Variants in CEP131 observed in about 807,000 individuals in gnomAD.
CEP131 encodes the protein centrosomal protein of 131 kDa.
Under a neutral mutation model 136.8 loss-of-function variants are expected in CEP131, and 99 were observed. That is an observed-to-expected ratio of 0.72 (90% CI 0.62 to 0.86). CEP131 has a LOEUF of 0.86. CEP131 is among the 40% of genes least tolerant of loss of function. The probability of loss-of-function intolerance (pLI) is 0.00; values close to 1 mark genes in which losing one functional copy is unlikely to be tolerated. For synonymous variants in CEP131, 646 were observed against 612.7 expected (o/e 1.05, Z -0.80); for missense variants, 1,459 against 1,463.0 (o/e 1.00, Z 0.04).
intron 2 of CEP131, among the ~76,000 whole-genome samples, chr17:81,212,512 G>A (rs1447852931): frequency 3.3e-5 from 5 of 149,428 alleles, no homozygotes; most frequent in African/African-American, 1.2e-4. Context: ...AGGCAGAGGG[G>A]CTCTTCCTAA....
In CEP131 at chr17:81,198,287, G is replaced by A; in HGVS notation, c.1298C>T (p.Ala433Val). Residue 433 changes from alanine to valine, a missense_variant, in exon 12 of 26, where the codon GCC becomes GTC. Physicochemically the swap from Ala to Val is moderately conservative, Grantham distance 64 (BLOSUM62 0). This residue lies in a region of CEP131 where 1,026 missense variants were observed against 964.2 expected (regional missense o/e 1.06). Coordinates refer to ENST00000450824, the MANE Select transcript of CEP131 (RefSeq NM_014984.4). ...PPEDRTQDVL[A>V]QDAAGDNLEM... ...CAGGTTGTCCCCAGCTGCATCCTGG[G>A]CAAGAACGTCCTGCAAAAGAGCAGG... is the stretch of plus-strand genomic sequence containing the variant. 1.3e-6 allele frequency: 2 copies of A among 1,599,794 alleles called. No individual in the cohort carries two copies. Among genetic ancestry groups the A allele is most frequent in the Admixed American group, 1.7e-5 (1 of 58,966 alleles).
intron 2 of CEP131, among the ~76,000 whole-genome samples, chr17:81,213,476 T>C (rs965536661): frequency 1.3e-5 from 2 of 151,936 alleles, no homozygotes; most frequent in South Asian, 4.1e-4. Context: ...GGAAAATCGC[T>C]TGAACCCGGG....
intron 21 of CEP131, 164 bp from the exon 22 acceptor site, chr17:81,191,499 C>G: frequency 1.5e-6 from 1 of 659,020 alleles, no homozygotes; most frequent in South Asian, 1.8e-5. Flanking sequence ...GTCCTGTTGT[C>G]AGGACCCAGT....
intron 1 of CEP131, among the ~76,000 whole-genome samples, chr17:81,220,529 T>C (rs977407050): frequency 1.3e-5 from 2 of 152,176 alleles, no homozygotes; most frequent in African/African-American, 4.8e-5. Context: ...AGTCTCGTTC[T>C]TGTCACCCAG....
chr17:81,202,964 CA>C (rs74270536), intron 6 of CEP131, among the ~76,000 whole-genome samples: 182 of 111,264 alleles, frequency 1.6e-3, no homozygotes, highest in Middle Eastern at 8.5e-3. Flanking sequence ...AACTCCATTT[CA>C]AAAAAAAAAA....
chr17:81,191,757 C>T (rs1407630333), intron 21 of CEP131, among the ~76,000 whole-genome samples: 2 of 152,186 alleles, frequency 1.3e-5, no homozygotes, highest in African/African-American at 4.8e-5. Flanking sequence ...CCCCACAGGG[C>T]TACGTCGGGA....
At position 81,195,859 on chromosome 17, in the gene CEP131, G is replaced by C; in HGVS notation, c.1992C>G (p.Ala664=). Residue 664 remains alanine (A), a synonymous_variant, in exon 16 of 26, where the codon GCC becomes GCG. Transcript: ENST00000450824. ...QEDQRCTERV[A]QAQAQHELEI... ...CCAGCTCGTGCTGCGCCTGTGCCTG[G>C]GCCACACGCTCGGTGCATCTCTGGT... 6.2e-7 allele frequency: 1 copy of C among 1,606,652 alleles called. No individual in the cohort carries two copies. Among genetic ancestry groups the C allele is most frequent in the East Asian group, 2.2e-5 (1 of 44,882 alleles).
chr17:81,197,118 C>T, intron 13 of CEP131, 63 bp from the exon 14 acceptor site: 1 of 1,531,502 alleles, frequency 6.5e-7, no homozygotes, highest in East Asian at 2.4e-5. Context: ...AAGGACCTGA[C>T]ACGATGCCCC....
In CEP131 at chr17:81,201,458, C is replaced by A. The variant is rs75478285; in HGVS notation, c.788+782G>T. On this transcript the variant is annotated intron_variant, in intron 7 of 25. Coordinates refer to ENST00000450824, the MANE Select transcript of CEP131 (RefSeq NM_014984.4). ...CAAGCGGCAGGGGCACAGCCCCCAACAGTCATCATCACAGGAGGCTCCGCC... is the reference window on the plus strand; with the variant it reads ...CAAGCGGCAGGGGCACAGCCCCCAAAAGTCATCATCACAGGAGGCTCCGCC... 4.9e-3 allele frequency among the ~76,000 whole-genome samples: 752 copies of A among 152,318 alleles called. 19 individuals carry two copies. The East Asian group carries it at 0.064, about 13-fold the overall frequency.
chr17:81,191,740 C>T, intron 21 of CEP131, among the ~76,000 whole-genome samples: 1 of 152,212 alleles, frequency 6.6e-6, no homozygotes, highest in Non-Finnish European at 1.5e-5. Context: ...ATCTGTCCAG[C>T]CCTGGGCCCC....
At chr17:81,216,191 C>G (rs947159353) in intron 2 of CEP131, among the ~76,000 whole-genome samples, 2 of 152,052 alleles carry the variant, frequency 1.3e-5, no homozygotes, top group East Asian at 3.9e-4. Context: ...GAAACCCCGT[C>G]GCTACTAAAA....
intron 13 of CEP131, 111 bp downstream of exon 13, chr17:81,197,601 C>A (rs1319388233): frequency 2.8e-6 from 4 of 1,433,746 alleles, no homozygotes; most frequent in Admixed American, 2.7e-5. Flanking sequence ...ACCTCCTCCC[C>A]CTGGGGGCCA....
chr17:81,201,964 G>C (rs2061900344), intron 7 of CEP131, among the ~76,000 whole-genome samples: 1 of 152,122 alleles, frequency 6.6e-6, no homozygotes, highest in Non-Finnish European at 1.5e-5. Context: ...AGCCAGGCGT[G>C]GTGGCGGGCA....
chr17:81,203,679 C>T lies in CEP131; in HGVS notation c.516-72G>A, dbSNP rs939701113. ...ACGCCTGAGATCTCAGAGCTACACT[C>T]GCAGCACGGGCTGGGAGGGAACAAA... On this transcript the variant is annotated intron_variant, in intron 5 of 25. Transcript: ENST00000450824. The surrounding 1 kb of genome is among the most constrained non-coding windows in gnomAD (Gnocchi z 4.6). 5.0e-5 allele frequency: 61 copies of T among 1,228,246 alleles called. No homozygotes were observed. Among genetic ancestry groups the T allele is most frequent in the East Asian group, 2.0e-4 (8 of 39,290 alleles). The allele number at this position is 1,228,246 out of a possible 1,614,324, so 76.1% of individuals were successfully genotyped here. A position where few individuals can be genotyped will look rare whatever the true frequency, so the allele number is the denominator to read the frequency against.
chr17:81,202,277 G>A lies in CEP131; in HGVS notation c.751C>T (p.Pro251Ser). Residue 251 changes from proline to serine, a missense_variant, in exon 7 of 26, where the codon CCC becomes TCC. By Grantham distance (74) the Pro-to-Ser change is moderately conservative. Around this residue, in one of 3 missense-constraint regions of CEP131, gnomAD observed 246 missense variants for 318.9 expected, o/e 0.77. Coordinates refer to ENST00000450824, the MANE Select transcript of CEP131 (RefSeq NM_014984.4). ...RNNTGGSTGL[P>S]RRKEVTEEEA... ...TCCTCCGTCACCTCCTTCCGCCTGG[G>A]CAAGCCCGTGCTGCCCCCAGTATTG... The A allele has an allele frequency of 6.2e-7, 1 of 1,611,758 alleles. No individual in the cohort carries two copies. Among genetic ancestry groups the A allele is most frequent in the Non-Finnish European group, 8.5e-7 (1 of 1,179,156 alleles).
intron 12 of CEP131, 95 bp downstream of exon 12, chr17:81,198,020 G>A (rs1353680893): frequency 2.7e-6 from 4 of 1,483,510 alleles, no homozygotes; most frequent in Admixed American, 2.2e-5. Context: ...GGAGCCTGTG[G>A]CATCCCCATT....
At chr17:81,210,654 C>T (rs1054113151) in intron 2 of CEP131, among the ~76,000 whole-genome samples, 3 of 152,108 alleles carry the variant, frequency 2.0e-5, no homozygotes, top group Non-Finnish European at 2.9e-5. Flanking sequence ...GGAACACCAC[C>T]GGATGCCACT....
intron 2 of CEP131, among the ~76,000 whole-genome samples, chr17:81,211,395 C>T (rs370796693): frequency 4.6e-5 from 7 of 152,228 alleles, no homozygotes; most frequent in African/African-American, 9.6e-5. Context: ...GCCCATCAGA[C>T]AGCAAGTGCC....
intron 5 of CEP131, among the ~76,000 whole-genome samples, chr17:81,206,518 A>C (rs2062011516): frequency 6.6e-6 from 1 of 152,132 alleles, no homozygotes. Context: ...CCAAGGCCTG[A>C]AACTCTTTAA....
Sources: gnomAD v4.1 joint callset for allele counts (sites outside exome capture counted in the v4.1 genomes callset) on GRCh38, gnomAD v4.1.1 for gene constraint, gnomAD v4.1.1 regional missense constraint, Gnocchi (gnomAD v3.1) non-coding constraint, MANE v1.5 for transcripts, NCBI Gene and HGNC (gene_info 2026-07-23, HGNC 2026-07-21) for gene names.